The following MBOAT2 variants were observed in gnomAD, a reference collection of about 807,000 sequenced individuals.
The protein encoded by MBOAT2 is membrane bound glycerophospholipid O-acyltransferase 2, also known as membrane-bound glycerophospholipid O-acyltransferase 2.
In MBOAT2, 28 loss-of-function variants were observed where a neutral mutation model predicts 63.4. The observed-to-expected ratio is 0.44, with a 90% CI of 0.33 to 0.61. MBOAT2 has a LOEUF of 0.61. Among genes scored for constraint, MBOAT2 ranks in the 20% least tolerant of loss-of-function variants. The pLI, the probability that MBOAT2 is intolerant of heterozygous loss-of-function variation, is 0.03. For missense variants in MBOAT2, 470 were observed against 605.8 expected (o/e 0.78, Z 2.35); for synonymous variants, 211 against 215.6 (o/e 0.98, Z 0.19).
intron 4 of MBOAT2, among the ~76,000 whole-genome samples, chr2:8,902,468 C>T (rs1383960176): frequency 1.3e-5 from 2 of 152,136 alleles, no homozygotes; most frequent in Non-Finnish European, 2.9e-5. Context: ...TTCTGATGTT[C>T]GGACGTGTCC....
At chr2:8,963,203 A>C (rs929835632) in intron 1 of MBOAT2, among the ~76,000 whole-genome samples, 7 of 151,310 alleles carry the variant, frequency 4.6e-5, no homozygotes, top group Admixed American at 6.6e-5. Context: ...ACGCCACTGC[A>C]TTCCAGCCTA....
chr2:8,888,143 TAA>T (rs1663701677), intron 4 of MBOAT2, 70 bp from the exon 5 acceptor site: 1 of 1,394,236 alleles, frequency 7.2e-7, no homozygotes, highest in African/African-American at 1.4e-5. Context: ...ACATATGAGT[TAA>T]GAGTTTATTC....
At chr2:8,904,555 C>G (rs1665196662) in intron 4 of MBOAT2, among the ~76,000 whole-genome samples, 1 of 152,084 alleles carries the variant, frequency 6.6e-6, no homozygotes, top group Non-Finnish European at 1.5e-5. Context: ...AAGTGATCCT[C>G]CCACCTTGGC....
At position 8,958,567 on chromosome 2, in the gene MBOAT2, T is replaced by C; in HGVS notation, c.151A>G (p.Thr51Ala). The C allele has an allele frequency of 1.2e-6, 2 of 1,612,480 alleles. No homozygotes were observed. The highest frequency in any genetic ancestry group is 4.5e-5 in the East Asian group (2 of 44,830). The part of the protein sequence containing the change: ...WFRTYLHSSK[T>A]SSFIRHVVAT... ...ACTACATGTCTTATAAAAGAGCTAG[T>C]TTTGCTTGAATGTAGATAAGTTCGA... The change falls in exon 2 of 13, where the codon ACT (threonine) becomes GCT (alanine). Residue 51 changes from threonine to alanine, a missense_variant. Around this residue, in one of 3 missense-constraint regions of MBOAT2, gnomAD observed 376 missense variants for 503.8 expected, o/e 0.75. Coordinates refer to ENST00000305997, the MANE Select transcript of MBOAT2 (RefSeq NM_138799.4).
chr2:8,907,089 CTAAAT>C (rs548081812), intron 4 of MBOAT2, among the ~76,000 whole-genome samples: 30 of 152,284 alleles, frequency 2.0e-4, no homozygotes, highest in South Asian at 1.7e-3. Flanking sequence ...CAACATTAAA[CTAAAT>C]TAATTAAAAG....
At chr2:8,967,755 A>G (rs1670102298) in intron 1 of MBOAT2, among the ~76,000 whole-genome samples, 1 of 152,226 alleles carries the variant, frequency 6.6e-6, no homozygotes, top group Non-Finnish European at 1.5e-5. Flanking sequence ...ATGGGTATTC[A>G]GAATATGATA....
chr2:8,979,866 A>G (rs1671080577), intron 1 of MBOAT2, among the ~76,000 whole-genome samples: 2 of 152,148 alleles, frequency 1.3e-5, no homozygotes, highest in South Asian at 4.1e-4. Context: ...CCTGATACGC[A>G]GACTCCACTA....
At chr2:8,936,082 C>T (rs1224159212) in intron 3 of MBOAT2, among the ~76,000 whole-genome samples, 1 of 152,134 alleles carries the variant, frequency 6.6e-6, no homozygotes, top group Non-Finnish European at 1.5e-5. Context: ...ACAGCTGTTC[C>T]CTCCAGGATG....
At chr2:8,977,360 T>C (rs183579900) in intron 1 of MBOAT2, among the ~76,000 whole-genome samples, 2 of 152,302 alleles carry the variant, frequency 1.3e-5, no homozygotes, top group Admixed American at 6.5e-5. Context: ...CAAGCAATTG[T>C]GGAATGAATA....
intron 3 of MBOAT2, among the ~76,000 whole-genome samples, chr2:8,927,200 A>G (rs1389409869): frequency 6.6e-6 from 1 of 152,156 alleles, no homozygotes; most frequent in African/African-American, 2.4e-5. Flanking sequence ...CCTGCAGACC[A>G]TCAACCCCCA....
rs183971596 is a variant in MBOAT2, at chr2:8,854,173, C to T, written c.*4506G>A. ...GTTGCAGAAAAACACTGTAGAGACC[C>T]TCTATGTTCTAATCTTTCAAACTCA... On this transcript the variant is annotated 3_prime_UTR_variant, in exon 13 of 13. Coordinates refer to ENST00000305997, the MANE Select transcript of MBOAT2 (RefSeq NM_138799.4). 2 of 146,244 alleles carry T rather than the reference C, an allele frequency of 1.4e-5. No individual in the cohort carries two copies. The highest frequency in any genetic ancestry group is 1.9e-4 in the East Asian group (1 of 5,174). The allele number at this position is 146,244 out of a possible 1,614,324, so 9.1% of individuals were successfully genotyped here. A position where few individuals can be genotyped will look rare whatever the true frequency, so the allele number is the denominator to read the frequency against.
At chr2:8,859,808 A>G (rs550222143) in intron 12 of MBOAT2, among the ~76,000 whole-genome samples, 1 of 152,364 alleles carries the variant, frequency 6.6e-6, no homozygotes, top group South Asian at 2.1e-4. Flanking sequence ...AATTCGAGAC[A>G]AGACAATTTC....
At chr2:8,927,034 G>C (rs185537241) in intron 3 of MBOAT2, among the ~76,000 whole-genome samples, 1 of 152,200 alleles carries the variant, frequency 6.6e-6, no homozygotes, top group Non-Finnish European at 1.5e-5. Flanking sequence ...AGGAAGAAGG[G>C]ATGATTTATT....
At chr2:8,959,335 C>CT (rs1223692628) in intron 1 of MBOAT2, among the ~76,000 whole-genome samples, 13 of 152,144 alleles carry the variant, frequency 8.5e-5, no homozygotes, top group Non-Finnish European at 1.8e-4. Flanking sequence ...CTGTTCTTGA[C>CT]TTATAGAAGT....
intron 1 of MBOAT2, among the ~76,000 whole-genome samples, chr2:8,966,388 T>G (rs907694394): frequency 6.6e-6 from 1 of 152,254 alleles, no homozygotes; most frequent in Non-Finnish European, 1.5e-5. Context: ...CGCCCTGTGC[T>G]GGAATCTTAT....
intron 1 of MBOAT2, among the ~76,000 whole-genome samples, chr2:8,978,037 T>C (rs1481108444): frequency 6.6e-6 from 1 of 152,096 alleles, no homozygotes; most frequent in Non-Finnish European, 1.5e-5. Context: ...AGTCAGTCCC[T>C]ACACAGCAGC....
chr2:8,926,609 C>T lies in MBOAT2; in HGVS notation c.299+16578G>A, dbSNP rs919479697. Among the ~76,000 whole-genome samples the T allele has an allele frequency of 3.3e-5, 5 of 152,116 alleles. No homozygotes were observed. In the South Asian group the frequency reaches 8.3e-4, roughly 25 times the overall value. ...GGCCGGGCCTGGCTCAGTCGAGGAG[C>T]GAGTGCTGTGAACTGAGAGTGGAAA... On this transcript the variant is annotated intron_variant, in intron 3 of 12. Transcript: ENST00000305997.
At chr2:8,938,369 G>A (rs1333902489) in intron 3 of MBOAT2, among the ~76,000 whole-genome samples, 3 of 151,796 alleles carry the variant, frequency 2.0e-5, no homozygotes, top group Admixed American at 6.6e-5. Flanking sequence ...TTGGGCACAC[G>A]CTCTCTCTCT....
Position 8,869,212 on chromosome 2 carries a change from T to A in MBOAT2, c.884-663A>T, listed in dbSNP as rs540168686. On this transcript the variant is annotated intron_variant, in intron 8 of 12. Transcript: ENST00000305997. ...CAGGTGCACATCATCATGCCTATTT[T>A]TTTTTTTTTTTTTTTGTAGAGATGG... is the stretch of plus-strand genomic sequence containing the variant. Among the ~76,000 whole-genome samples, 786 of 150,426 alleles carry A rather than the reference T, an allele frequency of 5.2e-3. 11 individuals carry two copies. Among genetic ancestry groups the A allele is most frequent in the South Asian group, 0.02 (95 of 4,744 alleles).
Sources: gnomAD v4.1 joint callset for allele counts (sites outside exome capture counted in the v4.1 genomes callset) on GRCh38, gnomAD v4.1.1 for gene constraint, gnomAD v4.1.1 regional missense constraint, MANE v1.5 for transcripts, NCBI Gene and HGNC (gene_info 2026-07-23, HGNC 2026-07-21) for gene names.